The following LILRB3 variants were observed in gnomAD, a reference collection of about 807,000 sequenced individuals.
LILRB3 encodes the protein leukocyte immunoglobulin-like receptor subfamily B member 3.
Under a neutral mutation model 68.2 loss-of-function variants are expected in LILRB3, and 32 were observed. The observed-to-expected ratio is 0.47, with a 90% confidence interval of 0.35 to 0.63. The LOEUF (loss-of-function observed/expected upper bound fraction) is 0.63, where lower values mean the gene tolerates loss of function less well. Among genes scored for constraint, LILRB3 ranks in the 30% least tolerant of loss-of-function variants. The probability of loss-of-function intolerance (pLI) is 0.00; values close to 1 mark genes in which losing one functional copy is unlikely to be tolerated. For missense variants in LILRB3, 502 were observed against 791.3 expected, an observed-to-expected ratio of 0.63 and a Z score of 4.39; for synonymous variants, 185 against 323.1, an observed-to-expected ratio of 0.57 and a Z score of 4.58.
chr19:54,219,174 AGAG>A (rs904730137), exon 8 of LILRB3: 13 of 1,607,814 alleles, frequency 8.1e-6, no homozygotes, highest in Admixed American at 5.1e-5. Flanking sequence ...AGGAGGAGGA[AGAG>A]GAGGAGGAAG....
chr19:54,220,602 C>T (rs1261307807), exon 6 of LILRB3: 1 of 1,495,274 alleles, frequency 6.7e-7, no homozygotes, highest in African/African-American at 1.6e-5. Context: ...GCCGTAGCAC[C>T]TGTAGGTCCC....
rs1012327777 is a variant in LILRB3 at position 54,220,172 on chromosome 19, C to T, written c.1292G>A (p.Gly431Glu). 36 of 1,498,870 alleles carry T rather than the reference C, an allele frequency of 2.4e-5. No homozygotes were observed. The African/African-American group carries it at 2.7e-4, about 11-fold the overall frequency. 92.8% of individuals were successfully genotyped at this position (1,498,870 alleles called of 1,614,324 possible). ...TGACTCACCAGGTGTGGAGGGCGGCCCTGTGGGTGGGAGGCTGGAGCCTCC... is the reference window on the plus strand; with the variant it reads ...TGACTCACCAGGTGTGGAGGGCGGCTCTGTGGGTGGGAGGCTGGAGCCTCC... Residue 431 changes from glycine (G) to glutamate (E), a missense_variant, in exon 7 of 13, where the codon GGG (glycine) becomes GAG (glutamate). Coordinates refer to ENST00000445347, the Ensembl canonical transcript of LILRB3.
chr19:54,219,137 C>G lies in LILRB3; in HGVS notation c.1418G>C (p.Arg473Thr), dbSNP rs757847843. ...CCCGCTTCCCTACTCACCAGATGTC[C>G]TGTGTTTGCTGTGACGCTGACGGAG... The change falls in exon 8 of 13, where the codon AGG (arginine) becomes ACG (threonine). Residue 473 changes from arginine (R) to threonine (T), a missense_variant. Transcript: ENST00000445347. 2.5e-6 allele frequency: 4 copies of G among 1,599,330 alleles called. No homozygotes were observed. The African/African-American group carries it at 5.4e-5, about 22-fold the overall frequency.
At chr19:54,219,531 A>G in intron 7 of LILRB3, 1 of 1,550,434 alleles carries the variant, frequency 6.4e-7, no homozygotes, top group Non-Finnish European at 8.7e-7. Flanking sequence ...CCGGAGCTGC[A>G]GGGAAAGAGC....
chr19:54,221,828 C>G, exon 4 of LILRB3: 1 of 1,586,310 alleles, frequency 6.3e-7, no homozygotes, highest in Non-Finnish European at 8.6e-7. Flanking sequence ...GCTCCCTCAC[C>G]TGAGGGCAGA....
chr19:54,219,131 G>A, exon 8 of LILRB3: 1 of 1,595,466 alleles, frequency 6.3e-7, no homozygotes, highest in Non-Finnish European at 8.5e-7. Flanking sequence ...CTACTCACCA[G>A]ATGTCCTGTG....
intron 7 of LILRB3, chr19:54,219,866 C>A (rs781347249): frequency 3.2e-6 from 5 of 1,549,390 alleles, no homozygotes; most frequent in Non-Finnish European, 4.4e-6. Flanking sequence ...GCCCCTCACT[C>A]ACCATTCTGA....
intron 3 of LILRB3, 25 bp downstream of exon 3, chr19:54,222,253 C>T (rs767404929): frequency 6.2e-7 from 1 of 1,611,144 alleles, no homozygotes; most frequent in Non-Finnish European, 8.5e-7. Context: ...GAGCCTGGGG[C>T]TGGGACCCCA....
chr19:54,219,059 T>C, intron 8 of LILRB3, 70 bp downstream of exon 8: 1 of 1,540,048 alleles, frequency 6.5e-7, no homozygotes. Context: ...CCTGTGTGTT[T>C]GGGTTCCCTC....
chr19:54,219,394 A>G (rs2077844707), intron 7 of LILRB3, 149 bp from the exon 8 acceptor site: 14 of 1,459,028 alleles, frequency 9.6e-6, no homozygotes, highest in Non-Finnish European at 1.3e-5. Context: ...CCCATTTCAC[A>G]GATGCACAAA....
exon 5 of LILRB3, chr19:54,221,155 T>C: frequency 8.1e-7 from 1 of 1,229,728 alleles, no homozygotes; most frequent in Non-Finnish European, 1.1e-6. Flanking sequence ...CCATAGCACC[T>C]GTACTGGCCC....
intron 7 of LILRB3, 51 bp from the exon 8 acceptor site, chr19:54,219,296 T>G (rs1312918050): frequency 6.6e-7 from 1 of 1,515,512 alleles, no homozygotes; most frequent in Non-Finnish European, 8.9e-7. Flanking sequence ...TGTGAGCACC[T>G]ACTGTGTGCA....
chr19:54,220,758 A>G (rs2078079746), exon 6 of LILRB3: 2 of 1,524,268 alleles, frequency 1.3e-6, no homozygotes, highest in Non-Finnish European at 1.8e-6. Flanking sequence ...CTGACACAGC[A>G]GGGTCATGTT....
chr19:54,217,022 G>A (rs1380175558), exon 13 of LILRB3: 2 of 1,611,996 alleles, frequency 1.2e-6, no homozygotes, highest in Non-Finnish European at 8.5e-7. Flanking sequence ...GTGTCCACTG[G>A]GGGCAGCTCC....
chr19:54,220,128 G>C (rs1435756814), intron 7 of LILRB3, 27 bp downstream of exon 7: 37 of 1,508,780 alleles, frequency 2.5e-5, no homozygotes, highest in Middle Eastern at 3.9e-4. Context: ...GGGAGGCGGC[G>C]CTCCCCAAGA....
At position 54,218,657 on chromosome 19, in the gene LILRB3, C is replaced by A; in HGVS notation, c.1528G>T (p.Glu510Ter). Residue 510 changes from glutamate (E) to a stop codon, truncating the protein, a stop_gained, in exon 10 of 13, where the codon GAA (glutamate) becomes TAA (stop). Coordinates refer to ENST00000445347, the Ensembl canonical transcript of LILRB3. LOFTEE classifies it high-confidence loss of function. ...CTCTTCCTCTTACAGAGGTTTTCTTCCTGGACGTCAGCAGCTGGGCTGGAC... is the reference window on the plus strand; with the variant it reads ...CTCTTCCTCTTACAGAGGTTTTCTTACTGGACGTCAGCAGCTGGGCTGGAC... The A allele has an allele frequency of 6.2e-7, 1 of 1,614,186 alleles. No homozygotes were observed. Among genetic ancestry groups the A allele is most frequent in the Non-Finnish European group, 8.5e-7 (1 of 1,180,038 alleles).
chr19:54,218,385 C>G (rs1194160656), exon 11 of LILRB3: 2 of 1,614,158 alleles, frequency 1.2e-6, no homozygotes, highest in Admixed American at 1.7e-5. Context: ...CCACCCTGTC[C>G]TCAGACTGTG....
At chr19:54,219,182 A>G (rs762171818) in exon 8 of LILRB3, 2 of 1,608,852 alleles carry the variant, frequency 1.2e-6, no homozygotes, top group East Asian at 2.2e-5. Context: ...GAAGAGGAGG[A>G]GGAAGAGCAG....
intron 11 of LILRB3, 22 bp from the exon 12 acceptor site, chr19:54,217,496 G>T (rs200573266): frequency 0.087 from 131,439 of 1,503,490 alleles, 7,937 homozygotes; most frequent in African/African-American, 0.24. Context: ...AGACAGTGGT[G>T]GGGGGTGTCC....
Sources: gnomAD v4.1 joint callset for allele counts on GRCh38, gnomAD v4.1.1 for gene constraint, MANE v1.5 for transcripts, NCBI Gene and HGNC (gene_info 2026-07-23, HGNC 2026-07-21) for gene names.